The following PDGFC variants were observed in gnomAD, a reference collection of about 807,000 sequenced individuals.
PDGFC encodes the protein platelet-derived growth factor C.
PDGFC carries 12 observed loss-of-function variants against 35.5 expected under a neutral mutation model. The ratio of observed to expected loss-of-function variants is 0.34; its 90% CI spans 0.22 to 0.55. The LOEUF is 0.55. Among genes scored for constraint, PDGFC ranks in the 20% least tolerant of loss-of-function variants. The pLI is 0.91. For synonymous variants in PDGFC, 159 were observed against 148.8 expected (o/e 1.07, Z -0.50); for missense variants, 322 against 412.4 (o/e 0.78, Z 1.90).
chr4:156,787,536 C>T (rs767030685), intron 3 of PDGFC, among the ~76,000 whole-genome samples: 3 of 152,066 alleles, frequency 2.0e-5, no homozygotes, highest in African/African-American at 4.8e-5. Context: ...AGACAACATG[C>T]GTGGTAGCTG....
At chr4:156,843,488 C>T (rs1729253469) in intron 2 of PDGFC, among the ~76,000 whole-genome samples, 1 of 152,190 alleles carries the variant, frequency 6.6e-6, no homozygotes, top group Non-Finnish European at 1.5e-5. Flanking sequence ...AGCTAATCTG[C>T]TTCCCCTTCC....
chr4:156,769,339 G>A (rs1730630115), intron 4 of PDGFC, among the ~76,000 whole-genome samples: 2 of 151,716 alleles, frequency 1.3e-5, no homozygotes, highest in African/African-American at 4.8e-5. Flanking sequence ...TCTTGGATTT[G>A]TTATACATGT....
At chr4:156,888,202 C>T (rs1164554350) in intron 1 of PDGFC, among the ~76,000 whole-genome samples, 1 of 151,964 alleles carries the variant, frequency 6.6e-6, no homozygotes, top group East Asian at 1.9e-4. Context: ...TGCAGCCTTG[C>T]CCTATTGCTC....
chr4:156,843,994 A>G (rs1156709625), intron 2 of PDGFC, among the ~76,000 whole-genome samples: 2 of 152,150 alleles, frequency 1.3e-5, no homozygotes, highest in Non-Finnish European at 1.5e-5. Context: ...TGCTTCTTCT[A>G]AACTATTATA....
chr4:156,819,388 G>A (rs963751329), intron 2 of PDGFC, among the ~76,000 whole-genome samples: 15 of 152,282 alleles, frequency 9.9e-5, no homozygotes, highest in African/African-American at 3.1e-4. Flanking sequence ...CTTGTTAGGG[G>A]CTAATGCATC....
At chr4:156,828,852 C>CA (rs1728856897) in intron 2 of PDGFC, among the ~76,000 whole-genome samples, 1 of 151,708 alleles carries the variant, frequency 6.6e-6, no homozygotes, top group Admixed American at 6.6e-5. Context: ...TAAAAATATC[C>CA]AAAAAAATGC....
At chr4:156,834,923 C>CA (rs140787875) in intron 2 of PDGFC, among the ~76,000 whole-genome samples, 2,028 of 137,670 alleles carry the variant, frequency 0.015, 28 homozygotes, top group African/African-American at 0.035. Flanking sequence ...CTGAAAATGG[C>CA]AAAAAAAAAA....
intron 1 of PDGFC, among the ~76,000 whole-genome samples, chr4:156,940,321 A>G (rs1343823459): frequency 6.6e-6 from 1 of 152,126 alleles, no homozygotes; most frequent in African/African-American, 2.4e-5. Flanking sequence ...TCTTGTCTAT[A>G]TTATTAAATA....
intron 1 of PDGFC, among the ~76,000 whole-genome samples, chr4:156,944,495 A>C (rs997075986): frequency 2.0e-5 from 3 of 152,136 alleles, no homozygotes; most frequent in African/African-American, 7.2e-5. Context: ...ATCCATCACC[A>C]ATGTGTGTCT....
chr4:156,922,155 A>T (rs990692566), intron 1 of PDGFC, among the ~76,000 whole-genome samples: 7 of 145,274 alleles, frequency 4.8e-5, no homozygotes, highest in African/African-American at 1.0e-4. Context: ...AAGGATTCAT[A>T]GTGTGTGTGT....
chr4:156,767,711 C>T, intron 5 of PDGFC, 62 bp downstream of exon 5: 1 of 993,856 alleles, frequency 1.0e-6, no homozygotes. Flanking sequence ...ATTTCAGATT[C>T]ACTGTTTTGT....
At chr4:156,825,656 C>T (rs1006143850) in intron 2 of PDGFC, among the ~76,000 whole-genome samples, 1 of 138,410 alleles carries the variant, frequency 7.2e-6, no homozygotes, top group Non-Finnish European at 1.5e-5. Context: ...GAAAGAAGGG[C>T]TATAAATATA....
At chr4:156,796,789 T>C (rs534975942) in intron 3 of PDGFC, among the ~76,000 whole-genome samples, 6 of 152,148 alleles carry the variant, frequency 3.9e-5, no homozygotes, top group Admixed American at 2.6e-4. Context: ...CGAGAAATGA[T>C]GCATACTATC....
At chr4:156,932,078 C>T (rs556312565) in intron 1 of PDGFC, among the ~76,000 whole-genome samples, 46 of 152,194 alleles carry the variant, frequency 3.0e-4, no homozygotes, top group African/African-American at 1.1e-3. Flanking sequence ...TAATGTAATG[C>T]TAATTTAATC....
chr4:156,944,092 G>T (rs895355988), intron 1 of PDGFC, among the ~76,000 whole-genome samples: 2 of 152,104 alleles, frequency 1.3e-5, no homozygotes, highest in African/African-American at 2.4e-5. Flanking sequence ...GGCTATTAGA[G>T]GCACTGTAAC....
In PDGFC at chr4:156,879,155, T is replaced by A. The variant is rs146852695; in HGVS notation, c.119-28739A>T. ...TCTCATTCTTCCTCCTGGGGGATTC[T>A]TTATTGCTCTTTGAAAAACATGACA... On this transcript the variant is annotated intron_variant, in intron 1 of 5. Transcript: ENST00000502773. Among the ~76,000 whole-genome samples the A allele has an allele frequency of 6.2e-3, 948 of 152,296 alleles. 12 individuals are homozygous for A. Among genetic ancestry groups the A allele is most frequent in the African/African-American group, 0.02 (845 of 41,580 alleles).
chr4:156,943,607 CT>C (rs34259023), intron 1 of PDGFC, among the ~76,000 whole-genome samples: 27 of 151,028 alleles, frequency 1.8e-4, no homozygotes, highest in Middle Eastern at 3.4e-3. Context: ...TGCATCAAAC[CT>C]TTTTTTTTCA....
At chr4:156,960,842 G>A (rs892082422) in intron 1 of PDGFC, among the ~76,000 whole-genome samples, 1 of 152,022 alleles carries the variant, frequency 6.6e-6, no homozygotes, top group Non-Finnish European at 1.5e-5. Flanking sequence ...TCTAGTAAGA[G>A]AGAGTCTTTA....
intron 3 of PDGFC, among the ~76,000 whole-genome samples, chr4:156,785,029 T>G (rs1262474409): frequency 6.6e-6 from 1 of 152,250 alleles, no homozygotes; most frequent in Non-Finnish European, 1.5e-5. Flanking sequence ...TGTACAGTGG[T>G]CCATTTTATT....
Sources: allele counts gnomAD v4.1 joint callset (sites outside exome capture counted in the v4.1 genomes callset), GRCh38; gene constraint gnomAD v4.1.1; transcripts MANE v1.5; gene names NCBI Gene and HGNC (gene_info 2026-07-23, HGNC 2026-07-21).